GPATCH2L: variants seen among roughly 807,000 people sequenced by gnomAD.
GPATCH2L encodes the protein G patch domain-containing protein 2-like.
In GPATCH2L, 31 loss-of-function variants were observed where a neutral mutation model predicts 57.4. The ratio of observed to expected loss-of-function variants is 0.54; its 90% confidence interval spans 0.41 to 0.73. The LOEUF is 0.73. Ranked by LOEUF, GPATCH2L falls within the 30% of genes least tolerant of loss-of-function variation. The pLI is 0.00. For missense variants in GPATCH2L, 481 were observed against 599.9 expected, an observed-to-expected ratio of 0.80 and a Z score of 2.07; for synonymous variants, 199 against 210.7, an observed-to-expected ratio of 0.94 and a Z score of 0.48.
Position 76,154,962 on chromosome 14 carries a change from A to C in GPATCH2L, c.599A>C (p.Lys200Thr). The change falls in exon 2 of 10, where the codon AAA becomes ACA. Residue 200 changes from lysine (K) to threonine (T), a missense_variant. This residue lies in a region of GPATCH2L where 208 missense variants were observed against 272.4 expected (regional missense o/e 0.76). Transcript: ENST00000261530. This position sits in a 1 kb window ranked among gnomAD's most constrained non-coding sequence, Gnocchi z 4.4. ...ACTTTCCTAAGCAAAACAGGAAGGAAAGAAAGGATGGAGTGTGAAACAGAT... is the reference window on the plus strand; with the variant it reads ...ACTTTCCTAAGCAAAACAGGAAGGACAGAAAGGATGGAGTGTGAAACAGAT... ...NRTFLSKTGR[K>T]ERMECETDEQ... 6.2e-7 allele frequency: 1 copy of C among 1,614,112 alleles called. No homozygotes were observed. The highest frequency in any genetic ancestry group is 8.5e-7 in the Non-Finnish European group (1 of 1,180,024).
At chr14:76,216,907 C>G (rs188234780), downstream of GPATCH2L, among the ~76,000 whole-genome samples, 5 of 151,992 alleles carry the variant, frequency 3.3e-5, no homozygotes, top group African/African-American at 1.2e-4. Context: ...AAAGGTGGTG[C>G]CCTAAGTCAG....
At chr14:76,187,143 T>C (rs11159182) in intron 8 of GPATCH2L, among the ~76,000 whole-genome samples, 34,009 of 151,856 alleles carry the variant, frequency 0.22, 4,501 homozygotes, top group African/African-American at 0.37. Context: ...TCAGTAAACC[T>C]TAAAGGTAAA....
chr14:76,228,845 T>C lies in GPATCH2L; in HGVS notation c.66-963T>C, dbSNP rs577927404. On this transcript the variant is annotated intron_variant and NMD_transcript_variant, in intron 1 of 3. Coordinates refer to the GPATCH2L transcript ENST00000556372. Reference sequence around the variant, plus strand: ...GGATGAAATATCAAACCATATCACATTGATTTTCCCTTTGGGGGGCCTGGA... The same window carrying C: ...GGATGAAATATCAAACCATATCACACTGATTTTCCCTTTGGGGGGCCTGGA... 9.9e-5 allele frequency among the ~76,000 whole-genome samples: 15 copies of C among 152,244 alleles called. 1 individual carries two copies. The South Asian group carries it at 2.9e-3, about 29-fold the overall frequency.
Position 76,208,908 on chromosome 14 carries a change from C to T in GPATCH2L, c.*7057C>T, listed in dbSNP as rs2040409883. The T allele has an allele frequency of 6.6e-6, 1 of 152,128 alleles. No individual in the cohort carries two copies. Among genetic ancestry groups the T allele is most frequent in the African/African-American group, 2.4e-5 (1 of 41,408 alleles). 9.4% of individuals were successfully genotyped at this position (152,128 alleles called of 1,614,324 possible). Reference sequence around the variant, plus strand: ...AAAAAGTCCTAATTCCTGGACTGGACCACAGACCAGTTAAATCAGCATGGG... The same window carrying T: ...AAAAAGTCCTAATTCCTGGACTGGATCACAGACCAGTTAAATCAGCATGGG... On this transcript the variant is annotated 3_prime_UTR_variant, in exon 10 of 10. Transcript: ENST00000261530.
intron 3 of GPATCH2L, among the ~76,000 whole-genome samples, chr14:76,170,164 C>T (rs2039021201): frequency 6.6e-6 from 1 of 151,908 alleles, no homozygotes; most frequent in East Asian, 1.9e-4. Context: ...TTTTCATTGC[C>T]CATTTTGGAG....
In GPATCH2L at chr14:76,210,545, G is replaced by C. The variant is rs2040429562; in HGVS notation, c.*8694G>C. On this transcript the variant is annotated 3_prime_UTR_variant, in exon 10 of 10. Coordinates refer to ENST00000261530, the MANE Select transcript of GPATCH2L (RefSeq NM_017926.4). Reference sequence around the variant, plus strand: ...GCTCATCCCTTCTCTGTGCGTACATGATTGAAAGGAGATAGCCGGTTTCTG... The same window carrying C: ...GCTCATCCCTTCTCTGTGCGTACATCATTGAAAGGAGATAGCCGGTTTCTG... 1 of 152,172 alleles carries C rather than the reference G, an allele frequency of 6.6e-6. No individual in the cohort carries two copies. Among genetic ancestry groups the C allele is most frequent in the South Asian group, 2.1e-4 (1 of 4,826 alleles). 9.4% of individuals were successfully genotyped at this position (152,172 alleles called of 1,614,324 possible). A position where few individuals can be genotyped will look rare whatever the true frequency, so the allele number is the denominator to read the frequency against.
At chr14:76,186,928 T>A (rs1195392938) in intron 8 of GPATCH2L, among the ~76,000 whole-genome samples, 1 of 152,186 alleles carries the variant, frequency 6.6e-6, no homozygotes, top group African/African-American at 2.4e-5. Context: ...TGTCACAGAC[T>A]ACTGAGGGTT....
At chr14:76,200,633 A>G (rs907643176) in intron 9 of GPATCH2L, among the ~76,000 whole-genome samples, 5 of 152,196 alleles carry the variant, frequency 3.3e-5, no homozygotes, top group East Asian at 1.9e-4. Context: ...ATTAGCCCAC[A>G]ATAAGAAATT....
At chr14:76,156,286 A>G (rs1367094565) in intron 2 of GPATCH2L, among the ~76,000 whole-genome samples, 2 of 152,242 alleles carry the variant, frequency 1.3e-5, no homozygotes, top group African/African-American at 4.8e-5. Flanking sequence ...AAACAAAGAC[A>G]TTAATCTTAG....
At chr14:76,194,680 C>T (rs2040092179) in intron 8 of GPATCH2L, among the ~76,000 whole-genome samples, 1 of 152,058 alleles carries the variant, frequency 6.6e-6, no homozygotes, top group Non-Finnish European at 1.5e-5. Context: ...GGTCTTAATC[C>T]TCAGCTGGGA....
chr14:76,192,011 A>G (rs2039985054), intron 8 of GPATCH2L, among the ~76,000 whole-genome samples: 2 of 151,832 alleles, frequency 1.3e-5, no homozygotes, highest in Non-Finnish European at 2.9e-5. Flanking sequence ...TTAAGCTTCC[A>G]CTTATGAGTG....
downstream of GPATCH2L, among the ~76,000 whole-genome samples, chr14:76,215,690 C>G (rs1337144792): frequency 6.9e-6 from 1 of 145,886 alleles, no homozygotes; most frequent in African/African-American, 2.5e-5. Context: ...ACCACATATT[C>G]TCACTCATAG....
Position 76,211,313 on chromosome 14 carries a change from C to G in GPATCH2L, c.*9462C>G, listed in dbSNP as rs981282769. On this transcript the variant is annotated 3_prime_UTR_variant, in exon 10 of 10. Transcript: ENST00000261530. ...AAGCTCAGGGTGCATTCGTGGAAAC[C>G]CTACTGCAACTGGCCCATTGTGCAT... 2 of 152,186 alleles carry G rather than the reference C, an allele frequency of 1.3e-5. No individual in the cohort carries two copies. Among genetic ancestry groups the G allele is most frequent in the African/African-American group, 4.8e-5 (2 of 41,440 alleles). 9.4% of individuals were successfully genotyped at this position (152,186 alleles called of 1,614,324 possible). A position where few individuals can be genotyped will look rare whatever the true frequency, so the allele number is the denominator to read the frequency against.
intron 8 of GPATCH2L, among the ~76,000 whole-genome samples, chr14:76,190,541 A>C (rs1192520608): frequency 1.3e-5 from 2 of 152,124 alleles, no homozygotes; most frequent in Admixed American, 1.3e-4. Flanking sequence ...ATTGTCCCTG[A>C]GGCCCTGATC....
At chr14:76,152,294 C>T (rs777437300) in intron 1 of GPATCH2L, among the ~76,000 whole-genome samples, 12 of 152,132 alleles carry the variant, frequency 7.9e-5, no homozygotes, top group South Asian at 2.1e-4. Context: ...AGGGACGGGC[C>T]GGGGCGTGGT....
intron 9 of GPATCH2L, 74 bp from the exon 10 acceptor site, chr14:76,201,617 C>A: frequency 8.3e-7 from 1 of 1,207,328 alleles, no homozygotes; most frequent in Non-Finnish European, 1.1e-6. Flanking sequence ...TTCTAAGTAT[C>A]TCTCATTCTA....
Position 76,209,542 on chromosome 14 carries a change from T to C in GPATCH2L, c.*7691T>C, listed in dbSNP as rs2139844142. 6.6e-6 allele frequency: 1 copy of C among 152,536 alleles called. No individual in the cohort carries two copies. Among genetic ancestry groups the C allele is most frequent in the South Asian group, 2.1e-4 (1 of 4,836 alleles). The allele number at this position is 152,536 out of a possible 1,614,324, so 9.4% of individuals were successfully genotyped here. A position where few individuals can be genotyped will look rare whatever the true frequency, so the allele number is the denominator to read the frequency against. On this transcript the variant is annotated 3_prime_UTR_variant, in exon 10 of 10. Coordinates refer to ENST00000261530, the MANE Select transcript of GPATCH2L (RefSeq NM_017926.4). The stretch of plus-strand genomic sequence containing the variant: ...AAGATGGCCTGGACTGTGTTCCCTC[T>C]TCTGCTTTCTCCTCTTCCGGGTCTT...
Position 76,154,925 on chromosome 14 carries a change from G to A in GPATCH2L, c.562G>A (p.Ala188Thr), listed in dbSNP as rs2038233522. ...ATCAGGCCACGGATTGTGTGAATCA[G>A]CAGAAAATAGGACTTTCCTAAGCAA... ...TSSGHGLCES[A>T]ENRTFLSKTG... The change falls in exon 2 of 10, where the codon GCA (alanine) becomes ACA (threonine). Residue 188 changes from alanine to threonine, a missense_variant. Physicochemically the swap from Ala to Thr is moderately conservative, Grantham distance 58. Transcript: ENST00000261530. This position sits in a 1 kb window ranked among gnomAD's most constrained non-coding sequence, Gnocchi z 4.4. 1 of 1,614,030 alleles carries A rather than the reference G, an allele frequency of 6.2e-7. No individual in the cohort carries two copies. Among genetic ancestry groups the A allele is most frequent in the African/African-American group, 1.3e-5 (1 of 74,942 alleles).
chr14:76,171,743 AG>A (rs1456651018), intron 3 of GPATCH2L, 99 bp from the exon 4 acceptor site: 1 of 725,372 alleles, frequency 1.4e-6, no homozygotes, highest in East Asian at 2.8e-5. Flanking sequence ...AAAAAAAAAA[AG>A]GATGATCAAA....
Sources: allele counts gnomAD v4.1 joint callset (sites outside exome capture counted in the v4.1 genomes callset), GRCh38; gene constraint gnomAD v4.1.1; regional missense constraint gnomAD v4.1.1; non-coding constraint Gnocchi (gnomAD v3.1); transcripts MANE v1.5; gene names NCBI Gene and HGNC (gene_info 2026-07-23, HGNC 2026-07-21).